Variants in DYRK1A observed in about 807,000 individuals in gnomAD.
DYRK1A encodes the protein dual specificity tyrosine-phosphorylation-regulated kinase 1A.
Under a neutral mutation model 79.7 loss-of-function variants are expected in DYRK1A, and 9 were observed. The ratio of observed to expected loss-of-function variants is 0.11; its 90% CI spans 0.07 to 0.20. The LOEUF (loss-of-function observed/expected upper bound fraction) is 0.20, where lower values mean the gene tolerates loss of function less well. Ranked by LOEUF, DYRK1A falls within the 10% of genes least tolerant of loss-of-function variation. DYRK1A has a pLI of 1.00. For missense variants in DYRK1A, 622 were observed against 956.0 expected, an observed-to-expected ratio of 0.65 and a Z score of 4.61; for synonymous variants, 349 against 329.7, an observed-to-expected ratio of 1.06 and a Z score of -0.63.
intron 1 of DYRK1A, among the ~76,000 whole-genome samples, chr21:37,377,535 C>A (rs1168415479): frequency 6.6e-6 from 1 of 152,168 alleles, no homozygotes; most frequent in Non-Finnish European, 1.5e-5. Flanking sequence ...GTGGCATGAT[C>A]ATAGTTCACT....
chr21:37,503,942 A>T (rs552734636), intron 9 of DYRK1A: 13 of 152,216 alleles, frequency 8.5e-5, no homozygotes, highest in South Asian at 2.1e-4. Context: ...CGTCATTTTT[A>T]AAAAATGTTT....
chr21:37,458,014 T>G (rs1601154777), intron 2 of DYRK1A, among the ~76,000 whole-genome samples: 1 of 152,238 alleles, frequency 6.6e-6, no homozygotes, highest in Non-Finnish European at 1.5e-5. Flanking sequence ...CTGTGGTAGG[T>G]AACCTTCTGC....
At chr21:37,499,675 T>C (rs960763376) in intron 9 of DYRK1A, among the ~76,000 whole-genome samples, 5 of 152,254 alleles carry the variant, frequency 3.3e-5, no homozygotes, top group African/African-American at 1.2e-4. Context: ...TTTTAGATGC[T>C]ATTTTAAATG....
Position 37,509,819 on chromosome 21 carries a change from C to T in DYRK1A, c.1645-2092C>T, listed in dbSNP as rs76440994. On this transcript the variant is annotated intron_variant, in intron 11 of 11. Transcript: ENST00000647188. ...TAAATAACCCTGTACGGTAGTGTCCCTTCTTATCCACAGTTCCAGTTATTC... is the reference window on the plus strand; with the variant it reads ...TAAATAACCCTGTACGGTAGTGTCCTTTCTTATCCACAGTTCCAGTTATTC... Among the ~76,000 whole-genome samples, 255 of 152,290 alleles carry T rather than the reference C, an allele frequency of 1.7e-3. 1 individual carries two copies. Among genetic ancestry groups the T allele is most frequent in the Non-Finnish European group, 3.0e-3 (205 of 68,026 alleles).
chr21:37,453,363 A>G (rs933518723), intron 2 of DYRK1A, among the ~76,000 whole-genome samples: 1 of 152,190 alleles, frequency 6.6e-6, no homozygotes, highest in African/African-American at 2.4e-5. Flanking sequence ...AGTCTAGAAT[A>G]TAGTAGGGGC....
intron 1 of DYRK1A, 66 bp downstream of exon 1, chr21:37,367,694 C>T (rs2049338092): frequency 6.9e-6 from 1 of 144,020 alleles, no homozygotes. Flanking sequence ...GGCCCGCAGC[C>T]GGGCCGGAGC....
chr21:37,454,082 CTCCTT>C (rs2051550136), intron 2 of DYRK1A, among the ~76,000 whole-genome samples: 1 of 79,574 alleles, frequency 1.3e-5, no homozygotes, highest in Non-Finnish European at 2.5e-5. Flanking sequence ...GAGATGTAGT[CTCCTT>C]TTTTTTTTTT....
chr21:37,384,639 A>G (rs759099189), intron 1 of DYRK1A, among the ~76,000 whole-genome samples: 56 of 152,208 alleles, frequency 3.7e-4, no homozygotes, highest in Non-Finnish European at 6.3e-4. Context: ...AAGATTACTA[A>G]ATGTGTAAAG....
At chr21:37,440,236 A>G (rs147400085) in intron 2 of DYRK1A, among the ~76,000 whole-genome samples, 1,537 of 144,014 alleles carry the variant, frequency 0.011, 23 homozygotes, top group African/African-American at 0.037. Context: ...CCTGGGTTCA[A>G]GTGATTCTCC....
intron 2 of DYRK1A, among the ~76,000 whole-genome samples, chr21:37,426,076 C>G (rs558153485): frequency 1.3e-5 from 2 of 152,294 alleles, no homozygotes; most frequent in South Asian, 4.1e-4. Flanking sequence ...CAAAGCCCTA[C>G]ACCAAGGAGA....
chr21:37,451,187 TAA>T (rs1194976960), intron 2 of DYRK1A, among the ~76,000 whole-genome samples: 1 of 152,190 alleles, frequency 6.6e-6, no homozygotes, highest in East Asian at 1.9e-4. Context: ...AAAAAAAGAT[TAA>T]AAAGTTATAT....
chr21:37,370,379 T>G (rs192971721), intron 1 of DYRK1A, among the ~76,000 whole-genome samples: 1 of 152,012 alleles, frequency 6.6e-6, no homozygotes, highest in Admixed American at 6.6e-5. Context: ...TATCTAGTTA[T>G]GAGAAGAAAA....
intron 11 of DYRK1A, among the ~76,000 whole-genome samples, chr21:37,510,460 A>G (rs776721355): frequency 3.3e-5 from 5 of 152,240 alleles, no homozygotes; most frequent in African/African-American, 7.2e-5. Flanking sequence ...ACAGTGACAC[A>G]AGTAAATAAA....
rs1389026978 is a variant in DYRK1A, at chr21:37,518,467, C to G, written c.*5936C>G. 1.3e-5 allele frequency: 2 copies of G among 152,268 alleles called. No individual in the cohort carries two copies. The highest frequency in any genetic ancestry group is 3.8e-4 in the East Asian group (2 of 5,200). 9.4% of individuals were successfully genotyped at this position (152,268 alleles called of 1,614,324 possible). On this transcript the variant is annotated 3_prime_UTR_variant, in exon 12 of 12. Transcript: ENST00000647188. The stretch of plus-strand genomic sequence containing the variant: ...ACTTTATAAAACCACGGATGACCAT[C>G]ACACTAGCAGGATTTTAGATTCAGA...
chr21:37,407,214 G>A (rs898307822), intron 1 of DYRK1A, among the ~76,000 whole-genome samples: 1 of 152,132 alleles, frequency 6.6e-6, no homozygotes, highest in African/African-American at 2.4e-5. Context: ...TTGGGGATGG[G>A]ACCTAAGACT....
chr21:37,424,573 C>G (rs1225566367), intron 2 of DYRK1A, among the ~76,000 whole-genome samples: 1 of 152,130 alleles, frequency 6.6e-6, no homozygotes, highest in African/African-American at 2.4e-5. Context: ...TGCCCTACAT[C>G]ATCAAAAGCT....
intron 3 of DYRK1A, among the ~76,000 whole-genome samples, chr21:37,475,941 T>C (rs147419715): frequency 0.01 from 1,550 of 152,272 alleles, 23 homozygotes; most frequent in African/African-American, 0.034. Flanking sequence ...ATTCACAGTT[T>C]TTTGATGTAA....
intron 2 of DYRK1A, among the ~76,000 whole-genome samples, chr21:37,432,975 A>T (rs79806959): frequency 3.0e-5 from 4 of 134,238 alleles, no homozygotes; most frequent in Non-Finnish European, 6.4e-5. Flanking sequence ...AACTCCATCT[A>T]AAAAAAAAAA....
chr21:37,505,817 C>T (rs748921491), intron 10 of DYRK1A, among the ~76,000 whole-genome samples: 4 of 152,326 alleles, frequency 2.6e-5, no homozygotes, highest in Non-Finnish European at 4.4e-5. Context: ...TACTAACCAG[C>T]ATTTTAAATT....
Sources: gnomAD v4.1 joint callset for allele counts (sites outside exome capture counted in the v4.1 genomes callset) on GRCh38, gnomAD v4.1.1 for gene constraint, MANE v1.5 for transcripts, NCBI Gene and HGNC (gene_info 2026-07-23, HGNC 2026-07-21) for gene names.